The following IL1RAPL1 variants were observed in gnomAD, a reference collection of about 807,000 sequenced individuals.
IL1RAPL1 encodes the protein interleukin 1 receptor accessory protein like 1.
IL1RAPL1 carries 3 observed loss-of-function variants against 48.4 expected under a neutral mutation model. That is an observed-to-expected ratio of 0.06 (90% CI 0.03 to 0.16). IL1RAPL1 has a LOEUF of 0.16. IL1RAPL1 is among the 10% of genes least tolerant of loss of function. The probability of loss-of-function intolerance (pLI) is 1.00; values close to 1 mark genes in which losing one functional copy is unlikely to be tolerated. For synonymous variants in IL1RAPL1, 185 were observed against 187.7 expected (o/e 0.99, Z 0.12); for missense variants, 349 against 530.6 (o/e 0.66, Z 3.36).
intron 1 of IL1RAPL1, among the ~76,000 whole-genome samples, chrX:28,768,755 C>CTCTCTA (rs1364972830): frequency 2.9e-5 from 1 of 34,871 alleles, no homozygotes; most frequent in Non-Finnish European, 4.8e-5. Context: ...CTCTCTCTCT[C>CTCTCTA]TATATATATA....
chrX:29,250,061 T>A (rs775570383), intron 2 of IL1RAPL1, among the ~76,000 whole-genome samples: 1 of 111,792 alleles, frequency 8.9e-6, no homozygotes, highest in African/African-American at 3.2e-5. Context: ...TTCAGAAAAT[T>A]ATGTATAAGC....
At chrX:28,792,614 C>T (rs1235435390) in intron 2 of IL1RAPL1, among the ~76,000 whole-genome samples, 21 of 102,379 alleles carry the variant, frequency 2.1e-4, no homozygotes, top group African/African-American at 5.4e-4. Flanking sequence ...AGTGAAACCC[C>T]GTCTCTACTA....
At chrX:29,862,969 TAAAAAAA>T (rs1206630965) in intron 6 of IL1RAPL1, among the ~76,000 whole-genome samples, 3 of 61,555 alleles carry the variant, frequency 4.9e-5, no homozygotes, top group Non-Finnish European at 9.5e-5. Context: ...TTGGCATACT[TAAAAAAA>T]AAAAAAAAAA....
intron 5 of IL1RAPL1, among the ~76,000 whole-genome samples, chrX:29,562,914 C>A (rs756748982): frequency 8.1e-5 from 9 of 111,721 alleles, no homozygotes; most frequent in Non-Finnish European, 1.1e-4. Flanking sequence ...GAGAGCATGA[C>A]CATTATGACT....
chrX:29,269,726 A>T (rs1932011078), intron 2 of IL1RAPL1, among the ~76,000 whole-genome samples: 1 of 109,260 alleles, frequency 9.2e-6, no homozygotes. Context: ...TTCTATTGTC[A>T]ACCAAGCAGG....
intron 2 of IL1RAPL1, among the ~76,000 whole-genome samples, chrX:28,901,200 C>T (rs1923066897): frequency 9.0e-6 from 1 of 111,259 alleles, no homozygotes; most frequent in Admixed American, 9.6e-5. Flanking sequence ...TAACATAGAG[C>T]CATTTCTTAG....
At chrX:28,994,362 G>A (rs942460045) in intron 2 of IL1RAPL1, among the ~76,000 whole-genome samples, 14 of 111,614 alleles carry the variant, frequency 1.3e-4, no homozygotes, top group African/African-American at 2.0e-4. Flanking sequence ...TTTCAAAGAC[G>A]ACCCTGTGAT....
At chrX:29,235,345 G>A (rs1316430285) in intron 2 of IL1RAPL1, among the ~76,000 whole-genome samples, 1 of 111,430 alleles carries the variant, frequency 9.0e-6, no homozygotes, top group Non-Finnish European at 1.9e-5. Context: ...ATCTGACCAG[G>A]CTTTTCTCTT....
intron 6 of IL1RAPL1, among the ~76,000 whole-genome samples, chrX:29,790,932 T>G (rs994014538): frequency 1.6e-4 from 18 of 111,869 alleles, no homozygotes; most frequent in Non-Finnish European, 1.7e-4. Flanking sequence ...GGACCTTGCT[T>G]CTTTCTCTGA....
At chrX:29,428,177 T>C (rs1260564522) in intron 5 of IL1RAPL1, among the ~76,000 whole-genome samples, 1 of 111,752 alleles carries the variant, frequency 8.9e-6, no homozygotes, top group Non-Finnish European at 1.9e-5. Flanking sequence ...CCTGCAAGGT[T>C]GGTGTGTGTC....
intron 2 of IL1RAPL1, among the ~76,000 whole-genome samples, chrX:29,139,060 G>C (rs950260648): frequency 3.6e-5 from 4 of 111,599 alleles, no homozygotes; most frequent in African/African-American, 1.3e-4. Flanking sequence ...GTATTTTCCA[G>C]GTGAACCTGG....
At chrX:29,252,192 C>A (rs184219691) in intron 2 of IL1RAPL1, among the ~76,000 whole-genome samples, 424 of 111,556 alleles carry the variant, frequency 3.8e-3, no homozygotes, top group Admixed American at 0.035. Context: ...GTGCAGCACA[C>A]CAGCATGGCA....
rs1239377767 is a variant in IL1RAPL1 at position 28,810,086 on chromosome X, T to C, written c.82+20661T>C. ...ATTAGAGGAGGGAGAGGTTCCTGTT[T>C]TCGAAATGTAGAATTAAGTTCGAGA... is the stretch of plus-strand genomic sequence containing the variant. On this transcript the variant is annotated intron_variant, in intron 2 of 10. Coordinates refer to ENST00000378993, the MANE Select transcript of IL1RAPL1 (RefSeq NM_014271.4). Among the ~76,000 whole-genome samples, 13 of 110,200 alleles carry C rather than the reference T, an allele frequency of 1.2e-4. No homozygotes were observed. In the Admixed American group the frequency reaches 1.3e-3, roughly 11 times the overall value.
chrX:29,529,316 G>A (rs992746323), intron 5 of IL1RAPL1, among the ~76,000 whole-genome samples: 1 of 111,030 alleles, frequency 9.0e-6, no homozygotes, highest in African/African-American at 3.3e-5. Flanking sequence ...TATTTGGGCC[G>A]GGTACAATGG....
chrX:29,346,157 A>G (rs1462249001), intron 3 of IL1RAPL1, among the ~76,000 whole-genome samples: 1 of 112,153 alleles, frequency 8.9e-6, no homozygotes, highest in East Asian at 2.8e-4. Flanking sequence ...TCTCCCTTAT[A>G]AGGACCATTA....
chrX:29,623,641 A>G (rs1924533510), intron 5 of IL1RAPL1, among the ~76,000 whole-genome samples: 1 of 112,354 alleles, frequency 8.9e-6, no homozygotes, highest in African/African-American at 3.2e-5. Context: ...TTTCAAACTC[A>G]TTAATATAGG....
At chrX:29,451,628 G>A (rs1247000583) in intron 5 of IL1RAPL1, among the ~76,000 whole-genome samples, 1 of 111,468 alleles carries the variant, frequency 9.0e-6, no homozygotes, top group Admixed American at 9.6e-5. Flanking sequence ...CTCTCTGTGT[G>A]TATATATGTA....
intron 6 of IL1RAPL1, among the ~76,000 whole-genome samples, chrX:29,759,654 C>T (rs1928708182): frequency 8.9e-6 from 1 of 111,867 alleles, no homozygotes; most frequent in Admixed American, 9.5e-5. Flanking sequence ...ATATTATGCA[C>T]ACAGCTTGAA....
At chrX:28,867,015 T>G (rs200261352) in intron 2 of IL1RAPL1, among the ~76,000 whole-genome samples, 2 of 111,656 alleles carry the variant, frequency 1.8e-5, no homozygotes, top group East Asian at 5.6e-4. Context: ...ATGGACAATA[T>G]GAGAGTTGAA....
Sources: allele counts gnomAD v4.1 joint callset (sites outside exome capture counted in the v4.1 genomes callset), GRCh38; gene constraint gnomAD v4.1.1; transcripts MANE v1.5; gene names NCBI Gene and HGNC (gene_info 2026-07-23, HGNC 2026-07-21).